The following ZBTB8OS variants were observed in gnomAD, a reference collection of about 807,000 sequenced individuals.
ZBTB8OS encodes tRNA-splicing ligase-activating factor archease.
ZBTB8OS carries 16 observed loss-of-function variants against 29.3 expected under a neutral mutation model. The observed-to-expected ratio is 0.55, with a 90% CI of 0.37 to 0.83. ZBTB8OS has a LOEUF of 0.83. Among genes scored for constraint, ZBTB8OS ranks in the 40% least tolerant of loss-of-function variants. ZBTB8OS has a pLI of 0.00. For synonymous variants in ZBTB8OS, 70 were observed against 64.6 expected, an observed-to-expected ratio of 1.08 and a Z score of -0.40; for missense variants, 160 against 196.9, an observed-to-expected ratio of 0.81 and a Z score of 1.12.
intron 6 of ZBTB8OS, among the ~76,000 whole-genome samples, chr1:32,626,380 T>C (rs926013575): frequency 2.6e-5 from 4 of 152,290 alleles, no homozygotes; most frequent in African/African-American, 7.2e-5. Context: ...TGCACAATGA[T>C]GTAATCGCCT....
At chr1:32,644,919 G>C (rs1211304974) in intron 1 of ZBTB8OS, among the ~76,000 whole-genome samples, 1 of 151,728 alleles carries the variant, frequency 6.6e-6, no homozygotes, top group African/African-American at 2.4e-5. Flanking sequence ...GGTGGCTCAC[G>C]CCTGTAATCC....
intron 6 of ZBTB8OS, among the ~76,000 whole-genome samples, chr1:32,627,112 TGTTCCA>T (rs1645184217): frequency 6.6e-6 from 1 of 152,166 alleles, no homozygotes; most frequent in South Asian, 2.1e-4. Context: ...TGCCAACTCC[TGTTCCA>T]ATAGATTTTC....
chr1:32,647,010 C>G (rs560792887), intron 1 of ZBTB8OS, among the ~76,000 whole-genome samples: 13 of 130,940 alleles, frequency 9.9e-5, no homozygotes. Context: ...CCACTGCACT[C>G]CAGCCTGGGA....
intron 1 of ZBTB8OS, among the ~76,000 whole-genome samples, chr1:32,642,377 ACCTGTAAT>A (rs1646479299): frequency 6.6e-6 from 1 of 151,518 alleles, no homozygotes; most frequent in African/African-American, 2.4e-5. Flanking sequence ...AGTGGCAGGC[ACCTGTAAT>A]CCCAGCTACT....
intron 5 of ZBTB8OS, among the ~76,000 whole-genome samples, chr1:32,629,523 C>T (rs1039406563): frequency 5.3e-5 from 8 of 152,162 alleles, no homozygotes; most frequent in African/African-American, 1.9e-4. Context: ...AAATACTAGA[C>T]TCTATAATAC....
chr1:32,621,992 G>C (rs778287693), intron 6 of ZBTB8OS, 44 bp from the exon 7 acceptor site: 2 of 1,290,956 alleles, frequency 1.5e-6, no homozygotes, highest in Non-Finnish European at 2.1e-6. Flanking sequence ...AGGAAAATAG[G>C]ATATTGAAAT....
In ZBTB8OS at chr1:32,641,058, G is replaced by A. The variant is rs543373436; in HGVS notation, c.98-6266C>T. On this transcript the variant is annotated intron_variant, in intron 1 of 6. Coordinates refer to ENST00000468695, the MANE Select transcript of ZBTB8OS (RefSeq NM_178547.5). ...CATGGTGGTGGGGCCTGTAATCCCA[G>A]CTAATCGGGAGGCCGAGGCAGAAGA... 1.5e-3 allele frequency among the ~76,000 whole-genome samples: 229 copies of A among 150,296 alleles called. 2 individuals are homozygous for A. The highest frequency in any genetic ancestry group is 6.8e-3 in the Middle Eastern group (2 of 294).
intron 5 of ZBTB8OS, among the ~76,000 whole-genome samples, chr1:32,629,527 A>G (rs1645374803): frequency 6.6e-6 from 1 of 152,200 alleles, no homozygotes; most frequent in Non-Finnish European, 1.5e-5. Context: ...ACTAGACTCT[A>G]TAATACAGTC....
At position 32,650,463 on chromosome 1, in the gene ZBTB8OS, T is replaced by C; in HGVS notation, c.67A>G (p.Lys23Glu). ...TACTTCCTATTGACTGGCGGATACT[T>C]GGCCTTGATCGCCTTCTGTTCTTCA... ...LTEEQKAIKA[K>E]YPPVNRKYEY... The change falls in exon 1 of 7, where the codon AAG (lysine) becomes GAG (glutamate). Residue 23 changes from lysine to glutamate, a missense_variant. By Grantham distance (56) the Lys-to-Glu change is moderately conservative. Transcript: ENST00000468695. 3.1e-6 allele frequency: 5 copies of C among 1,614,216 alleles called. No homozygotes were observed. The highest frequency in any genetic ancestry group is 4.2e-6 in the Non-Finnish European group (5 of 1,180,032).
chr1:32,627,395 GA>G, intron 6 of ZBTB8OS, 112 bp downstream of exon 6: 1 of 940,986 alleles, frequency 1.1e-6, no homozygotes, highest in Non-Finnish European at 1.7e-6. Flanking sequence ...AGAAGCTTGA[GA>G]AAAACTTATC....
Position 32,621,943 on chromosome 1 carries a change from T to G in ZBTB8OS, c.423A>C (p.Thr141=). The stretch of plus-strand genomic sequence containing the variant: ...CTGAATATGTTATTGCTTTGACTTC[T>G]GTTCCCTAAAGTTGGGGTTAGAGAA... The part of the protein sequence containing the change: ...EFSLSKHPQG[T]EVKAITYSAM... Residue 141 remains threonine (T), a synonymous_variant, in exon 7 of 7, where the codon ACA becomes ACC. Transcript: ENST00000468695. 1.3e-6 allele frequency: 2 copies of G among 1,567,650 alleles called. No homozygotes were observed. The highest frequency in any genetic ancestry group is 8.6e-7 in the Non-Finnish European group (1 of 1,168,016).
At chr1:32,642,632 T>C (rs995293284) in intron 1 of ZBTB8OS, among the ~76,000 whole-genome samples, 1 of 150,592 alleles carries the variant, frequency 6.6e-6, no homozygotes, top group African/African-American at 2.4e-5. Context: ...ATCCTAAAGA[T>C]GTTAACTAAC....
rs2148275775 is a variant in ZBTB8OS at position 32,621,803 on chromosome 1, T to C, written c.*59A>G. The C allele has an allele frequency of 8.4e-7, 1 of 1,194,968 alleles. No homozygotes were observed. The allele number at this position is 1,194,968 out of a possible 1,614,324, so 74.0% of individuals were successfully genotyped here. On this transcript the variant is annotated 3_prime_UTR_variant, in exon 7 of 7. Transcript: ENST00000468695. ...GTAGAATTTAATTCATAGTGTCTTC[T>C]CAAAAGGAAGAGGAAAACAAAAACA... is the stretch of plus-strand genomic sequence containing the variant.
At chr1:32,647,266 C>CA (rs71006348) in intron 1 of ZBTB8OS, among the ~76,000 whole-genome samples, 22 of 134,590 alleles carry the variant, frequency 1.6e-4, no homozygotes, top group African/African-American at 6.7e-4. Flanking sequence ...TACTCTGTCT[C>CA]AAAAAAAAAA....
intron 1 of ZBTB8OS, among the ~76,000 whole-genome samples, chr1:32,636,693 G>A (rs401702): frequency 0.39 from 53,621 of 138,024 alleles, 13,446 homozygotes; most frequent in African/African-American, 0.72. Flanking sequence ...TCAAAAAATG[G>A]AAAAAAAAAA....
Position 32,622,011 on chromosome 1 carries a change from TTAACTC to T in ZBTB8OS, c.418-69_418-64del, listed in dbSNP as rs1445750980. On this transcript the variant is annotated intron_variant, in intron 6 of 6. Transcript: ENST00000468695. ...AAATAGGATATTGAAATCATAATCA[TTAACTC>T]TAGCAACAATCAGCAGAAAGTAAAA... The T allele has an allele frequency of 5.9e-6, 7 of 1,186,798 alleles. No homozygotes were observed. In the African/African-American group the frequency reaches 9.4e-5, roughly 16 times the overall value. 73.5% of individuals were successfully genotyped at this position (1,186,798 alleles called of 1,614,324 possible).
Position 32,621,618 on chromosome 1 carries a change from C to T in ZBTB8OS, c.*244G>A. The T allele has an allele frequency of 2.2e-6, 1 of 445,212 alleles. No individual in the cohort carries two copies. Among genetic ancestry groups the T allele is most frequent in the South Asian group, 2.7e-5 (1 of 36,528 alleles). 27.6% of individuals were successfully genotyped at this position (445,212 alleles called of 1,614,324 possible). ...CACACCTACTGCCACAGCAGAGAAT[C>T]AAAGGACCATAACTGTCCCTTGGGG... On this transcript the variant is annotated 3_prime_UTR_variant, in exon 7 of 7. Transcript: ENST00000468695.
At chr1:32,623,000 T>C (rs553203339) in intron 6 of ZBTB8OS, among the ~76,000 whole-genome samples, 3 of 152,314 alleles carry the variant, frequency 2.0e-5, no homozygotes, top group Non-Finnish European at 4.4e-5. Flanking sequence ...CACACGTCTC[T>C]GATACATGAC....
chr1:32,650,358 A>G (rs1647282379), intron 1 of ZBTB8OS, 75 bp downstream of exon 1: 1 of 1,583,766 alleles, frequency 6.3e-7, no homozygotes, highest in African/African-American at 1.3e-5. Context: ...TAGAAAGAGC[A>G]GCAGGAAGCC....
Sources: gnomAD v4.1 joint callset for allele counts (sites outside exome capture counted in the v4.1 genomes callset) on GRCh38, gnomAD v4.1.1 for gene constraint, MANE v1.5 for transcripts, NCBI Gene and HGNC (gene_info 2026-07-23, HGNC 2026-07-21) for gene names.